Variants in GFAP observed in about 807,000 individuals in gnomAD.
The protein encoded by GFAP is glial fibrillary acidic protein, also known as intermediate filament protein.
Under a neutral mutation model 49.3 loss-of-function variants are expected in GFAP, and 38 were observed. The observed-to-expected ratio is 0.77, with a 90% CI of 0.60 to 1.01. The LOEUF (loss-of-function observed/expected upper bound fraction) is 1.01. GFAP is among the 50% of genes least tolerant of loss of function. The pLI is 0.00. For synonymous variants in GFAP, 222 were observed against 236.4 expected, an observed-to-expected ratio of 0.94 and a Z score of 0.56; for missense variants, 463 against 579.1, an observed-to-expected ratio of 0.80 and a Z score of 2.06.
chr17:44,914,004 GCCCCT>G lies in GFAP; in HGVS notation c.522+19_522+23del. ...CCATCAATCCTTTCCTCCCTCCCCT[GCCCCT>G]CCCCTCCACCTCCCTGACCTGTCTA... On this transcript the variant is annotated intron_variant, in intron 2 of 8. Transcript: ENST00000588735. 1 of 1,488,162 alleles carries G rather than the reference GCCCCT, an allele frequency of 6.7e-7. No individual in the cohort carries two copies. Among genetic ancestry groups the G allele is most frequent in the Non-Finnish European group, 9.2e-7 (1 of 1,085,918 alleles). The allele number at this position is 1,488,162 out of a possible 1,614,324, so 92.2% of individuals were successfully genotyped here.
At position 44,915,488 on chromosome 17, in the gene GFAP, C is replaced by G; in HGVS notation, c.-2G>C. On this transcript the variant is annotated 5_prime_UTR_variant, in exon 1 of 9. Coordinates refer to ENST00000588735, the MANE Select transcript of GFAP (RefSeq NM_002055.5). The surrounding 1 kb of genome is among the most constrained non-coding windows in gnomAD (Gnocchi z 4.1). ...GGAGGTGATGCGTCTCCTCTCCATC[C>G]TGCTCTGGCTCTGCTCGCTCCTGGG... 3.2e-6 allele frequency: 5 copies of G among 1,567,550 alleles called. No homozygotes were observed. Among genetic ancestry groups the G allele is most frequent in the Non-Finnish European group, 4.3e-6 (5 of 1,157,536 alleles).
At position 44,903,736 on chromosome 17, in the gene GFAP, T is replaced by C. The variant is rs9904512; in HGVS notation, c.*3611A>G. On this transcript the variant is annotated 3_prime_UTR_variant, in exon 9 of 9. Coordinates refer to ENST00000588735, the MANE Select transcript of GFAP (RefSeq NM_002055.5). Reference sequence around the variant, plus strand: ...CTGGCTGCATAATCCTTTCCTCATCTAGAGGCTTCCGCTTAGCAGAGCTTT... The same window carrying C: ...CTGGCTGCATAATCCTTTCCTCATCCAGAGGCTTCCGCTTAGCAGAGCTTT... 483,286 of 1,453,370 alleles carry C rather than the reference T, an allele frequency of 0.33. 81,363 individuals carry two copies. The highest frequency in any genetic ancestry group is 0.35 in the Non-Finnish European group (383,801 of 1,106,132). The allele number at this position is 1,453,370 out of a possible 1,614,324, so 90.0% of individuals were successfully genotyped here.
At chr17:44,909,274 G>T (rs967245932) in intron 7 of GFAP, 39 of 149,588 alleles carry the variant, frequency 2.6e-4, no homozygotes, top group African/African-American at 9.5e-4. Context: ...AGGATGATGG[G>T]GCCTACTTCT....
intron 8 of GFAP, 41 bp downstream of exon 8, chr17:44,908,023 G>C (rs536961884): frequency 7.1e-7 from 1 of 1,406,206 alleles, no homozygotes; most frequent in African/African-American, 1.4e-5. Context: ...GAGAATCCCT[G>C]GGGCCAGCCA....
intron 8 of GFAP, 169 bp downstream of exon 8, chr17:44,907,895 A>G: frequency 1.4e-6 from 1 of 733,168 alleles, no homozygotes. Context: ...GGAGGGACTG[A>G]GGAAACGGAA....
At position 44,907,901 on chromosome 17, in the gene GFAP, C is replaced by T. The variant is rs757158635; in HGVS notation, c.1257+163G>A. The T allele has an allele frequency of 3.4e-5, 25 of 744,990 alleles. No homozygotes were observed. In the East Asian group the frequency reaches 3.8e-4, roughly 11 times the overall value. The allele number at this position is 744,990 out of a possible 1,614,324, so 46.1% of individuals were successfully genotyped here. A position where few individuals can be genotyped will look rare whatever the true frequency, so the allele number is the denominator to read the frequency against. ...ACAGCCTATGGAGGGACTGAGGAAACGGAATTACATTCAGTTTCCTTGCTC... is the reference window on the plus strand; with the variant it reads ...ACAGCCTATGGAGGGACTGAGGAAATGGAATTACATTCAGTTTCCTTGCTC... On this transcript the variant is annotated intron_variant, in intron 8 of 8. Transcript: ENST00000588735.
In GFAP at chr17:44,915,453, G is replaced by T; in HGVS notation, c.34C>A (p.Arg12Ser). 2 of 1,602,658 alleles carry T rather than the reference G, an allele frequency of 1.2e-6. No homozygotes were observed. Among genetic ancestry groups the T allele is most frequent in the Non-Finnish European group, 8.5e-7 (1 of 1,175,210 alleles). ...ERRRITSAAR[R>S]SYVSSGEMMV... ...ATCTCCCCTGAGGAGACGTAGGAGCGGCGAGCAGCGGAGGTGATGCGTCTC... is the reference window on the plus strand; with the variant it reads ...ATCTCCCCTGAGGAGACGTAGGAGCTGCGAGCAGCGGAGGTGATGCGTCTC... The change falls in exon 1 of 9, where the codon CGC becomes AGC. Residue 12 changes from arginine (R) to serine (S), a missense_variant. Coordinates refer to ENST00000588735, the MANE Select transcript of GFAP (RefSeq NM_002055.5). The surrounding 1 kb of genome is among the most constrained non-coding windows in gnomAD (Gnocchi z 4.1).
At chr17:44,911,488 C>A in intron 5 of GFAP, 32 bp from the exon 6 acceptor site, 1 of 1,575,992 alleles carries the variant, frequency 6.3e-7, no homozygotes, top group South Asian at 1.2e-5. Flanking sequence ...TCCCGCGGAG[C>A]CCCGACCCGA....
chr17:44,904,188 C>G lies in GFAP; in HGVS notation c.*3159G>C, dbSNP rs745718871. ...GTTTTCAGGGCTCAGTCTGAGGACT[C>G]AGGCCTGTACTTCTGCGGCACCCGC... On this transcript the variant is annotated 3_prime_UTR_variant, in exon 9 of 9. Coordinates refer to ENST00000588735, the MANE Select transcript of GFAP (RefSeq NM_002055.5). 19 of 1,550,402 alleles carry G rather than the reference C, an allele frequency of 1.2e-5. No individual in the cohort carries two copies. The highest frequency in any genetic ancestry group is 1.5e-5 in the Non-Finnish European group (17 of 1,146,958).
chr17:44,914,308 G>C, intron 1 of GFAP: 1 of 576,232 alleles, frequency 1.7e-6, no homozygotes, highest in Non-Finnish European at 3.1e-6. Context: ...GCCTTATCAG[G>C]GTTGGTGCAC....
rs1173262980 is a variant in GFAP, at chr17:44,903,844, C to T, written c.*3503G>A. On this transcript the variant is annotated 3_prime_UTR_variant, in exon 9 of 9. Transcript: ENST00000588735. ...CTCCTTCAGGTATGCACCTGGCCCT[C>T]ACCACTGTGCTCCTGTGGGCATGGG... 1 of 1,547,140 alleles carries T rather than the reference C, an allele frequency of 6.5e-7. No homozygotes were observed. The highest frequency in any genetic ancestry group is 1.4e-5 in the African/African-American group (1 of 72,274).
At position 44,904,370 on chromosome 17, in the gene GFAP, T is replaced by C; in HGVS notation, c.*2977A>G. ...CTGGGAATGGACCCCCTGTGACCGC[T>C]GCGGAGTGCGTGGGGAGCAGTGGCG... On this transcript the variant is annotated 3_prime_UTR_variant, in exon 9 of 9. Transcript: ENST00000588735. 1.9e-6 allele frequency: 3 copies of C among 1,543,802 alleles called. No individual in the cohort carries two copies. The highest frequency in any genetic ancestry group is 2.4e-5 in the South Asian group (2 of 83,602).
intron 1 of GFAP, chr17:44,914,378 C>T (rs1168356749): frequency 6.4e-6 from 3 of 469,556 alleles, no homozygotes; most frequent in Non-Finnish European, 1.2e-5. Context: ...CACACACACA[C>T]ACACACGCAC....
In GFAP at chr17:44,905,179, G is replaced by A. The variant is rs1288355630; in HGVS notation, c.*2168C>T. ...GTTGGGACAGGTGGTAGGAACATGT[G>A]GACAAATCTGTTACAGCCTGCTCCC... On this transcript the variant is annotated 3_prime_UTR_variant, in exon 9 of 9. Transcript: ENST00000588735. 2.4e-6 allele frequency: 2 copies of A among 833,408 alleles called. No individual in the cohort carries two copies. The highest frequency in any genetic ancestry group is 1.7e-5 in the African/African-American group (1 of 57,896). 51.6% of individuals were successfully genotyped at this position (833,408 alleles called of 1,614,324 possible). A position where few individuals can be genotyped will look rare whatever the true frequency, so the allele number is the denominator to read the frequency against.
In GFAP at chr17:44,915,412, C is replaced by G; in HGVS notation, c.75G>C (p.Leu25=). The change falls in exon 1 of 9, where the codon CTG becomes CTC. Residue 25 remains leucine, a synonymous_variant. Coordinates refer to ENST00000588735, the MANE Select transcript of GFAP (RefSeq NM_002055.5). The surrounding 1 kb of genome is among the most constrained non-coding windows in gnomAD (Gnocchi z 4.1). ...VSSGEMMVGG[L]APGRRLGPGT... ...CAGGACCCAGACGGCGGCCAGGAGC[C>G]AGGCCCCCCACCATCATCTCCCCTG... 1 of 1,607,348 alleles carries G rather than the reference C, an allele frequency of 6.2e-7. No individual in the cohort carries two copies. The highest frequency in any genetic ancestry group is 8.5e-7 in the Non-Finnish European group (1 of 1,176,330).
In GFAP at chr17:44,911,449, G is replaced by A. The variant is rs1375005534; in HGVS notation, c.914C>T (p.Ser305Phe). Residue 305 changes from serine to phenylalanine, a missense_variant, in exon 6 of 9, where the codon TCC becomes TTC. This residue lies in a region of GFAP where 362 missense variants were observed against 445.5 expected (regional missense o/e 0.81). Coordinates refer to ENST00000588735, the MANE Select transcript of GFAP (RefSeq NM_002055.5). ...CTGCTCGCGCATCTGCCTCTCCAGGGACTCGTTCTGTGGGATGGAGCCGGC... is the reference window on the plus strand; with the variant it reads ...CTGCTCGCGCATCTGCCTCTCCAGGAACTCGTTCTGTGGGATGGAGCCGGC... ...DLESLRGTNE[S>F]LERQMREQEE... 1 of 1,606,606 alleles carries A rather than the reference G, an allele frequency of 6.2e-7. No homozygotes were observed. The highest frequency in any genetic ancestry group is 1.3e-5 in the African/African-American group (1 of 74,846).
At chr17:44,913,038 G>A in intron 4 of GFAP, 1 of 584,782 alleles carries the variant, frequency 1.7e-6, no homozygotes. Context: ...GCTTAGAACA[G>A]AACAGTATCA....
In GFAP at chr17:44,910,603, T is replaced by C. The variant is rs1156343190; in HGVS notation, c.1171+12A>G. 1.3e-6 allele frequency: 2 copies of C among 1,571,540 alleles called. No individual in the cohort carries two copies. The highest frequency in any genetic ancestry group is 3.8e-5 in the Admixed American group (2 of 52,246). On this transcript the variant is annotated intron_variant, in intron 7 of 8. Coordinates refer to ENST00000588735, the MANE Select transcript of GFAP (RefSeq NM_002055.5). ...CTCCAGTGCCCTTCCCACGAGGCCC[T>C]GCTGTACTGACCTCGAATCTGCAGG... is the stretch of plus-strand genomic sequence containing the variant.
rs2051658023 is a variant in GFAP at position 44,906,736 on chromosome 17, A to T, written c.*611T>A. ...GCTGGGCATGGTGGCTCCAATCTAT[A>T]ATCCCAGCTACACAGGAGGCTGAGG... On this transcript the variant is annotated 3_prime_UTR_variant, in exon 9 of 9. Coordinates refer to ENST00000588735, the MANE Select transcript of GFAP (RefSeq NM_002055.5). 1 of 171,610 alleles carries T rather than the reference A, an allele frequency of 5.8e-6. No homozygotes were observed. Among genetic ancestry groups the T allele is most frequent in the Non-Finnish European group, 1.3e-5 (1 of 79,094 alleles). The allele number at this position is 171,610 out of a possible 1,614,324, so 10.6% of individuals were successfully genotyped here.
Sources: allele counts gnomAD v4.1 joint callset, GRCh38; gene constraint gnomAD v4.1.1; regional missense constraint gnomAD v4.1.1; non-coding constraint Gnocchi (gnomAD v3.1); transcripts MANE v1.5; gene names NCBI Gene and HGNC (gene_info 2026-07-23, HGNC 2026-07-21).